RHOT2: variants seen among roughly 807,000 people sequenced by gnomAD.
RHOT2 encodes the protein mitochondrial Rho GTPase 2.
In RHOT2, 90 loss-of-function variants were observed where a neutral mutation model predicts 81.6. The observed-to-expected ratio is 1.10, with a 90% CI of 0.93 to 1.31. The LOEUF is 1.31. RHOT2 is among the 40% of genes most tolerant of loss of function. RHOT2 has a pLI of 0.00. For synonymous variants in RHOT2, 512 were observed against 370.9 expected (o/e 1.38, Z -4.37); for missense variants, 1,014 against 841.9 (o/e 1.20, Z -2.53).
Position 673,469 on chromosome 16 carries a change from C to T in RHOT2, c.1731-11C>T, listed in dbSNP as rs1003608515. On this transcript the variant is annotated splice_polypyrimidine_tract_variant and intron_variant, in intron 18 of 18. Transcript: ENST00000315082. Reference sequence around the variant, plus strand: ...CCTGAGGTATCTGCAGATGATTCTTCTCTCTTGCAGACATTTGGTCCACGC... The same window carrying T: ...CCTGAGGTATCTGCAGATGATTCTTTTCTCTTGCAGACATTTGGTCCACGC... 10 of 1,612,652 alleles carry T rather than the reference C, an allele frequency of 6.2e-6. No individual in the cohort carries two copies. The highest frequency in any genetic ancestry group is 8.5e-6 in the Non-Finnish European group (10 of 1,179,920).
chr16:671,622 G>A (rs2038948534), intron 11 of RHOT2, 75 bp from the exon 12 acceptor site: 1 of 1,496,702 alleles, frequency 6.7e-7, no homozygotes. Flanking sequence ...CGATGGGGCT[G>A]GCAGGGTGAC....
rs575789942 is a variant in RHOT2 at position 670,185 on chromosome 16, G to A, written c.329+10G>A. On this transcript the variant is annotated intron_variant, in intron 6 of 18. Coordinates refer to ENST00000315082, the MANE Select transcript of RHOT2 (RefSeq NM_138769.3). ...CCACGCAGGGGCCCAGGTAATGAGG[G>A]GATGTGGAAGGGGCTGGGACCCCTG... 8.1e-4 allele frequency: 1,299 copies of A among 1,607,784 alleles called. 24 individuals are homozygous for A. In the South Asian group the frequency reaches 0.014, roughly 17 times the overall value.
Position 672,135 on chromosome 16 carries a change from G to A in RHOT2, c.1149G>A (p.Leu383=), listed in dbSNP as rs1381094242. 1.2e-6 allele frequency: 2 copies of A among 1,612,412 alleles called. No individual in the cohort carries two copies. The highest frequency in any genetic ancestry group is 3.3e-5 in the Admixed American group (2 of 59,978). The change falls in exon 14 of 19, where the codon CTG becomes CTA. Residue 383 remains leucine, a synonymous_variant. Coordinates refer to ENST00000315082, the MANE Select transcript of RHOT2 (RefSeq NM_138769.3). ...GCTGCCTTGGACACCTAGGCTACCT[G>A]GGCTACCCCACCCTCTGTGAGCAGG... ...VRSCLGHLGY[L]GYPTLCEQDQ...
rs761219928 is a variant in RHOT2, at chr16:672,237, C to T, written c.1196-17C>T. ...CAGTATCCTGGCAGCTGCCCTAACC[C>T]GTGTCTATCCTCACAGTCACTCGTG... is the stretch of plus-strand genomic sequence containing the variant. On this transcript the variant is annotated splice_polypyrimidine_tract_variant and intron_variant, in intron 14 of 18. Coordinates refer to ENST00000315082, the MANE Select transcript of RHOT2 (RefSeq NM_138769.3). 29 of 1,611,284 alleles carry T rather than the reference C, an allele frequency of 1.8e-5. No homozygotes were observed. The highest frequency in any genetic ancestry group is 1.6e-4 in the East Asian group (7 of 44,852).
Position 672,298 on chromosome 16 carries a change from CGGA to C in RHOT2, c.1242_1244del (p.Ser415del). The C allele has an allele frequency of 1.2e-6, 2 of 1,612,206 alleles. No homozygotes were observed. The highest frequency in any genetic ancestry group is 1.7e-6 in the Non-Finnish European group (2 of 1,179,618). ...GGACCAGGAGAAGGGACAGACGCAG[CGGA>C]GCGTCCTCCTGTGCAAGGTGGTAGG... On this transcript the variant is annotated inframe_deletion, in exon 15 of 19. Transcript: ENST00000315082.
chr16:669,535 T>A lies in RHOT2; in HGVS notation c.223-18T>A, dbSNP rs1268798748. ...AGCCAGCAGCCCTGTCACCCACACC[T>A]CATCACTGTTCCCTCAGGCAAACGT... On this transcript the variant is annotated intron_variant, in intron 4 of 18. Transcript: ENST00000315082. 6.2e-7 allele frequency: 1 copy of A among 1,610,910 alleles called. No individual in the cohort carries two copies. The highest frequency in any genetic ancestry group is 2.2e-5 in the East Asian group (1 of 44,876).
chr16:673,522 C>A lies in RHOT2; in HGVS notation c.1773C>A (p.Leu591=). The change falls in exon 19 of 19, where the codon CTC becomes CTA. Residue 591 remains leucine (L), a synonymous_variant. Coordinates refer to ENST00000315082, the MANE Select transcript of RHOT2 (RefSeq NM_138769.3). Reference sequence around the variant, plus strand: ...AGCTGCATCCCTCTTCCTTCTGGCTCCGGGGGCTGCTGGGGGTTGTCGGGG... The same window carrying A: ...AGCTGCATCCCTCTTCCTTCTGGCTACGGGGGCTGCTGGGGGTTGTCGGGG... The part of the protein sequence containing the change: ...HAELHPSSFW[L]RGLLGVVGAA... The A allele has an allele frequency of 6.2e-7, 1 of 1,612,688 alleles. No homozygotes were observed. The highest frequency in any genetic ancestry group is 2.2e-5 in the East Asian group (1 of 44,882).
Position 672,702 on chromosome 16 carries a change from G to A in RHOT2, c.1405-1G>A, listed in dbSNP as rs142603024. ...CTTCCTAAGGCCGCTGTCTGTCCCA[G>A]CTCTGTGAGGTGGGCACAGATGGTC... On this transcript the variant is annotated splice_acceptor_variant, in intron 16 of 18. Transcript: ENST00000315082. LOFTEE classifies it high-confidence loss of function. The A allele has an allele frequency of 8.1e-6, 13 of 1,612,062 alleles. No individual in the cohort carries two copies. Among genetic ancestry groups the A allele is most frequent in the Middle Eastern group, 1.6e-4 (1 of 6,082 alleles).
intron 11 of RHOT2, 107 bp from the exon 12 acceptor site, chr16:671,590 T>C (rs915658042): frequency 2.7e-5 from 34 of 1,265,006 alleles, no homozygotes; most frequent in Non-Finnish European, 3.7e-5. Flanking sequence ...CTCTGGGTCC[T>C]GTAGGGAGGG....
At chr16:673,401 C>G in intron 18 of RHOT2, 79 bp from the exon 19 acceptor site, 1 of 1,594,978 alleles carries the variant, frequency 6.3e-7, no homozygotes, top group East Asian at 2.2e-5. Context: ...CCCTGTGAGT[C>G]CAGGACATGG....
intron 18 of RHOT2, 132 bp from the exon 19 acceptor site, chr16:673,348 C>A: frequency 7.1e-7 from 1 of 1,413,680 alleles, no homozygotes; most frequent in Non-Finnish European, 9.8e-7. Context: ...AGGGCCTGGC[C>A]TCCACCGGCT....
intron 15 of RHOT2, 28 bp downstream of exon 15, chr16:672,412 C>T (rs2039119490): frequency 1.2e-6 from 2 of 1,602,268 alleles, no homozygotes; most frequent in Non-Finnish European, 1.7e-6. Flanking sequence ...CCCCACCACC[C>T]CAGGGGCTCC....
Position 671,876 on chromosome 16 carries a change from T to C in RHOT2, c.971T>C (p.Leu324Pro), listed in dbSNP as rs2039005151. ...EKHDQDRDGA[L>P]SPVELQSLFS... is the part of the protein sequence containing the mutation. ...CTTCTGCAGGACCGCGACGGCGCCC[T>C]CTCGCCCGTGGAGCTGCAAAGCCTT... Residue 324 changes from leucine (L) to proline (P), a missense_variant, in exon 13 of 19, where the codon CTC becomes CCC. Transcript: ENST00000315082. 1 of 1,373,448 alleles carries C rather than the reference T, an allele frequency of 7.3e-7. No homozygotes were observed. The highest frequency in any genetic ancestry group is 9.6e-7 in the Non-Finnish European group (1 of 1,037,676). 85.1% of individuals were successfully genotyped at this position (1,373,448 alleles called of 1,614,324 possible). A position where few individuals can be genotyped will look rare whatever the true frequency, so the allele number is the denominator to read the frequency against.
intron 12 of RHOT2, 28 bp downstream of exon 12, chr16:671,809 T>TCCCCCC: frequency 2.1e-6 from 2 of 952,798 alleles, no homozygotes; most frequent in Non-Finnish European, 3.2e-6. Flanking sequence ...CCCCTGCCCC[T>TCCCCCC]GCCCCCGCCC....
chr16:672,475 TTCACCTCCCTCA>T lies in RHOT2; in HGVS notation c.1327-13_1327-2del, dbSNP rs761773709. On this transcript the variant is annotated splice_acceptor_variant and splice_polypyrimidine_tract_variant and intron_variant, in intron 15 of 18. Transcript: ENST00000315082. LOFTEE classifies it high-confidence loss of function. ...CACTGCAGCCAGCGAGTGTCAGGAC[TTCACCTCCCTCA>T]GCACCAGGACACGAGGGAGCAGCCT... 9 of 1,612,182 alleles carry T rather than the reference TTCACCTCCCTCA, an allele frequency of 5.6e-6. No homozygotes were observed. The Admixed American group carries it at 1.2e-4, about 21-fold the overall frequency.
At chr16:668,812 C>T (rs953453938) in intron 4 of RHOT2, 113 bp downstream of exon 4, 4 of 1,163,912 alleles carry the variant, frequency 3.4e-6, no homozygotes, top group Non-Finnish European at 4.8e-6. Flanking sequence ...CCTGATAATT[C>T]TGTGACCTCC....
At position 673,130 on chromosome 16, in the gene RHOT2, C is replaced by T. The variant is rs769640618; in HGVS notation, c.1730C>T (p.Pro577Leu). 66 of 1,610,310 alleles carry T rather than the reference C, an allele frequency of 4.1e-5. No homozygotes were observed. The highest frequency in any genetic ancestry group is 5.3e-5 in the Non-Finnish European group (62 of 1,179,774). The change falls in exon 18 of 19, where the codon CCA becomes CTA. Residue 577 changes from proline to leucine, a missense_variant and splice_region_variant. By Grantham distance (98) the Pro-to-Leu change is moderately conservative. Coordinates refer to ENST00000315082, the MANE Select transcript of RHOT2 (RefSeq NM_138769.3). ...FTQLATMAAF[P>L]HLVHAELHPS... is the part of the protein sequence containing the mutation. ...CAGCTCGCCACCATGGCCGCCTTCC[C>T]GTGGGTACCCAGTAGCGCAGCCCTG...
At chr16:668,594 C>T in intron 3 of RHOT2, 25 bp downstream of exon 3, 3 of 1,609,718 alleles carry the variant, frequency 1.9e-6, no homozygotes, top group Non-Finnish European at 1.7e-6. Flanking sequence ...CTCCCGGGGG[C>T]CCGGCCCGCA....
At position 668,405 on chromosome 16, in the gene RHOT2, C is replaced by G. The variant is rs746230952; in HGVS notation, c.90C>G (p.Pro30=). ...TGTCCCTGGTGGGCGAGGAGTTCCC[C>G]GAGGAGGTAAGGGGCACGCCCGCCG... ...LILSLVGEEF[P]EEVPPRAEEI... Residue 30 remains proline, a synonymous_variant, in exon 2 of 19, where the codon CCC becomes CCG. Coordinates refer to ENST00000315082, the MANE Select transcript of RHOT2 (RefSeq NM_138769.3). The G allele has an allele frequency of 1.1e-5, 17 of 1,491,880 alleles. No individual in the cohort carries two copies. Among genetic ancestry groups the G allele is most frequent in the Admixed American group, 2.3e-5 (1 of 43,080 alleles). The allele number at this position is 1,491,880 out of a possible 1,614,324, so 92.4% of individuals were successfully genotyped here. A position where few individuals can be genotyped will look rare whatever the true frequency, so the allele number is the denominator to read the frequency against.
Sources: allele counts gnomAD v4.1 joint callset, GRCh38; gene constraint gnomAD v4.1.1; transcripts MANE v1.5; gene names NCBI Gene and HGNC (gene_info 2026-07-23, HGNC 2026-07-21).